The following SH2D4A variants were observed in gnomAD, a reference collection of about 807,000 sequenced individuals.
SH2D4A encodes SH2 domain-containing protein 4A.
Under a neutral mutation model 64.7 loss-of-function variants are expected in SH2D4A, and 70 were observed. The ratio of observed to expected loss-of-function variants is 1.08; its 90% CI spans 0.89 to 1.32. SH2D4A has a LOEUF of 1.32. Among genes scored for constraint, SH2D4A ranks in the 40% most tolerant of loss-of-function variants. SH2D4A has a pLI of 0.00. For synonymous variants in SH2D4A, 268 were observed against 200.7 expected (o/e 1.34, Z -2.83); for missense variants, 706 against 540.1 (o/e 1.31, Z -3.04).
At chr8:19,390,463 C>G (rs1007784999) in intron 8 of SH2D4A, among the ~76,000 whole-genome samples, 2 of 152,148 alleles carry the variant, frequency 1.3e-5, no homozygotes, top group African/African-American at 2.4e-5. Context: ...GCAGATGAAC[C>G]TCATTGCTTG....
chr8:19,371,045 C>T (rs144182737), intron 7 of SH2D4A, among the ~76,000 whole-genome samples: 3 of 152,208 alleles, frequency 2.0e-5, no homozygotes, highest in Non-Finnish European at 4.4e-5. Flanking sequence ...TGAGTGATGA[C>T]TTACATTTTT....
intron 2 of SH2D4A, among the ~76,000 whole-genome samples, chr8:19,324,614 G>A (rs532110760): frequency 2.6e-5 from 4 of 152,226 alleles, no homozygotes; most frequent in East Asian, 1.9e-4. Flanking sequence ...GCCCAGTCAC[G>A]AGTGTCTTGC....
At chr8:19,382,695 T>C (rs938079783) in intron 8 of SH2D4A, among the ~76,000 whole-genome samples, 7 of 152,234 alleles carry the variant, frequency 4.6e-5, no homozygotes, top group Admixed American at 3.3e-4. Context: ...TTGAGGAGCA[T>C]CTTTATTGGC....
chr8:19,313,998 T>A (rs2052041187), intron 1 of SH2D4A, 175 bp downstream of exon 1: 1 of 1,202,580 alleles, frequency 8.3e-7, no homozygotes, highest in Non-Finnish European at 1.0e-6. Flanking sequence ...CGGGCTCAGG[T>A]GCGGGGTTGG....
At chr8:19,383,569 G>A (rs1343845337) in intron 8 of SH2D4A, among the ~76,000 whole-genome samples, 1 of 151,856 alleles carries the variant, frequency 6.6e-6, no homozygotes, top group Non-Finnish European at 1.5e-5. Flanking sequence ...CTGAAAACTG[G>A]GTATTTGAAT....
intron 8 of SH2D4A, among the ~76,000 whole-genome samples, chr8:19,376,118 G>C (rs1275084396): frequency 6.6e-6 from 1 of 152,108 alleles, no homozygotes; most frequent in Non-Finnish European, 1.5e-5. Context: ...TGATTACAGA[G>C]GCTTGGTAAG....
intron 4 of SH2D4A, among the ~76,000 whole-genome samples, chr8:19,345,032 CAGA>C (rs759189275): frequency 1.6e-4 from 24 of 152,320 alleles, no homozygotes; most frequent in Admixed American, 3.3e-4. Context: ...AGCAAGTGGT[CAGA>C]AGAACTGGAT....
In SH2D4A at chr8:19,322,863, C is replaced by T. The variant is rs6997219; in HGVS notation, c.181+3135C>T. Among the ~76,000 whole-genome samples, 794 of 151,986 alleles carry T rather than the reference C, an allele frequency of 5.2e-3. 7 individuals are homozygous for T. Among genetic ancestry groups the T allele is most frequent in the African/African-American group, 0.018 (735 of 41,454 alleles). Reference sequence around the variant, plus strand: ...CTAATTTTTGTATTTTCAGTAGAGACAGGGTTTCACCATGTTGGCCAGCCT... The same window carrying T: ...CTAATTTTTGTATTTTCAGTAGAGATAGGGTTTCACCATGTTGGCCAGCCT... On this transcript the variant is annotated intron_variant, in intron 2 of 9. Coordinates refer to ENST00000265807, the MANE Select transcript of SH2D4A (RefSeq NM_022071.4).
At chr8:19,369,641 C>T (rs1404654273) in intron 7 of SH2D4A, among the ~76,000 whole-genome samples, 1 of 151,982 alleles carries the variant, frequency 6.6e-6, no homozygotes, top group East Asian at 1.9e-4. Context: ...ATAATAGTCT[C>T]TAGTGATCTT....
chr8:19,319,640 G>A lies in SH2D4A; in HGVS notation c.93G>A (p.Met31Ile). The change falls in exon 2 of 10, where the codon ATG becomes ATA. Residue 31 changes from methionine (M) to isoleucine (I), a missense_variant. By Grantham distance (10) the Met-to-Ile change is conservative. Transcript: ENST00000265807. Reference sequence around the variant, plus strand: ...AGAAACAGATCCTGTTCTTCAAGATGAGAGAGGAACAGATCCGACGATGGA... The same window carrying A: ...AGAAACAGATCCTGTTCTTCAAGATAAGAGAGGAACAGATCCGACGATGGA... ...EEQKQILFFK[M>I]REEQIRRWKE... 1 of 1,611,700 alleles carries A rather than the reference G, an allele frequency of 6.2e-7. No homozygotes were observed. The highest frequency in any genetic ancestry group is 8.5e-7 in the Non-Finnish European group (1 of 1,179,186).
chr8:19,319,990 C>T (rs1253408530), intron 2 of SH2D4A, among the ~76,000 whole-genome samples: 1 of 152,108 alleles, frequency 6.6e-6, no homozygotes, highest in Non-Finnish European at 1.5e-5. Flanking sequence ...TAAAAAGTCA[C>T]CTATGAGGTT....
intron 4 of SH2D4A, among the ~76,000 whole-genome samples, chr8:19,336,722 C>G (rs933726503): frequency 6.6e-5 from 10 of 152,030 alleles, no homozygotes; most frequent in African/African-American, 2.4e-4. Context: ...AAAAAAACAG[C>G]CAAGCATGGT....
intron 7 of SH2D4A, among the ~76,000 whole-genome samples, chr8:19,371,935 C>G (rs1241892440): frequency 3.3e-5 from 5 of 152,062 alleles, no homozygotes. Context: ...TTTGAATTGA[C>G]TCTGTTCTTT....
intron 7 of SH2D4A, among the ~76,000 whole-genome samples, chr8:19,370,505 T>TA (rs1332039472): frequency 6.6e-6 from 1 of 152,078 alleles, no homozygotes; most frequent in Non-Finnish European, 1.5e-5. Flanking sequence ...TGTCTCTTCT[T>TA]ACAGTTTTCA....
chr8:19,362,195 T>C (rs1452262285), intron 6 of SH2D4A, among the ~76,000 whole-genome samples: 12 of 152,194 alleles, frequency 7.9e-5, no homozygotes, highest in Admixed American at 5.2e-4. Flanking sequence ...TGACAACTAC[T>C]GTGAAATGAA....
intron 1 of SH2D4A, among the ~76,000 whole-genome samples, chr8:19,315,476 T>C (rs1471642461): frequency 1.3e-5 from 2 of 152,190 alleles, no homozygotes; most frequent in African/African-American, 2.4e-5. Context: ...CCTTTTAAAA[T>C]TGTATTTTGT....
chr8:19,384,686 G>T (rs897600259), intron 8 of SH2D4A, among the ~76,000 whole-genome samples: 1 of 152,158 alleles, frequency 6.6e-6, no homozygotes, highest in African/African-American at 2.4e-5. Context: ...AGTCTCCAAA[G>T]TGTGTAGATA....
intron 1 of SH2D4A, among the ~76,000 whole-genome samples, chr8:19,317,511 A>G (rs201815126): frequency 6.8e-5 from 1 of 14,656 alleles, no homozygotes; most frequent in African/African-American, 1.6e-4. Context: ...GTGTAGTTTC[A>G]TCAAGGGCCT....
At chr8:19,318,388 A>G (rs1232610726) in intron 1 of SH2D4A, among the ~76,000 whole-genome samples, 1 of 152,146 alleles carries the variant, frequency 6.6e-6, no homozygotes, top group Non-Finnish European at 1.5e-5. Flanking sequence ...ATAGAGAGAG[A>G]AAGTATGACA....
Sources: gnomAD v4.1 joint callset for allele counts (sites outside exome capture counted in the v4.1 genomes callset) on GRCh38, gnomAD v4.1.1 for gene constraint, MANE v1.5 for transcripts, NCBI Gene and HGNC (gene_info 2026-07-23, HGNC 2026-07-21) for gene names.